The following TMTC1 variants were observed in gnomAD, a reference collection of about 807,000 sequenced individuals.
The protein encoded by TMTC1 is protein O-mannosyl-transferase TMTC1.
In TMTC1, 73 loss-of-function variants were observed where a neutral mutation model predicts 104.8. The ratio of observed to expected loss-of-function variants is 0.70; its 90% CI spans 0.58 to 0.85. The LOEUF (loss-of-function observed/expected upper bound fraction) is 0.85, where lower values mean the gene tolerates loss of function less well. TMTC1 is among the 40% of genes least tolerant of loss of function. The probability of loss-of-function intolerance (pLI) is 0.00; values close to 1 mark genes in which losing one functional copy is unlikely to be tolerated. For synonymous variants in TMTC1, 434 were observed against 428.7 expected (o/e 1.01, Z -0.15); for missense variants, 1,035 against 1,096.1 (o/e 0.94, Z 0.79).
intron 8 of TMTC1, among the ~76,000 whole-genome samples, chr12:29,576,675 T>C (rs1386837679): frequency 6.6e-6 from 1 of 152,146 alleles, no homozygotes; most frequent in Non-Finnish European, 1.5e-5. Context: ...AAATTTGCAG[T>C]TATGTAGATG....
At chr12:29,668,454 CTTTTTTTTTTTTT>C (rs66652706) in intron 5 of TMTC1, among the ~76,000 whole-genome samples, 1 of 90,090 alleles carries the variant, frequency 1.1e-5, no homozygotes, top group Non-Finnish European at 2.1e-5. Flanking sequence ...ACCAACTTAT[CTTTTTTTTTTTTT>C]TTTTTTTTTT....
chr12:29,606,116 C>T (rs955245555), intron 6 of TMTC1, among the ~76,000 whole-genome samples: 9 of 152,092 alleles, frequency 5.9e-5, no homozygotes, highest in African/African-American at 2.2e-4. Context: ...CCACTGTTGA[C>T]GAGTATCTAG....
At chr12:29,700,607 T>G (rs1941560920) in intron 5 of TMTC1, among the ~76,000 whole-genome samples, 1 of 152,194 alleles carries the variant, frequency 6.6e-6, no homozygotes, top group Non-Finnish European at 1.5e-5. Flanking sequence ...AGCTGGAATT[T>G]TGTTGTACTT....
chr12:29,766,837 T>A (rs1001031410), intron 2 of TMTC1, among the ~76,000 whole-genome samples: 1 of 152,126 alleles, frequency 6.6e-6, no homozygotes. Flanking sequence ...CCCCTAGCCA[T>A]GCACATCAAA....
At chr12:29,602,646 T>C (rs1163576485) in intron 7 of TMTC1, among the ~76,000 whole-genome samples, 1 of 151,930 alleles carries the variant, frequency 6.6e-6, no homozygotes, top group Non-Finnish European at 1.5e-5. Context: ...ATGCTTATAA[T>C]AGTAAGTGAA....
intron 5 of TMTC1, among the ~76,000 whole-genome samples, chr12:29,673,550 A>T (rs1438631875): frequency 6.6e-6 from 1 of 152,054 alleles, no homozygotes; most frequent in Non-Finnish European, 1.5e-5. Flanking sequence ...CCAAGTAGGA[A>T]AGTTGCCAAA....
chr12:29,725,000 A>G (rs189915109), intron 5 of TMTC1, among the ~76,000 whole-genome samples: 3 of 145,524 alleles, frequency 2.1e-5, no homozygotes, highest in Admixed American at 7.0e-5. Context: ...GTTTAGCTAT[A>G]TATCTGCCAA....
intron 7 of TMTC1, among the ~76,000 whole-genome samples, chr12:29,597,214 T>C (rs1405352494): frequency 6.7e-6 from 1 of 148,642 alleles, no homozygotes; most frequent in Non-Finnish European, 1.5e-5. Context: ...TTTTCTTTTC[T>C]TTTTCTTTTT....
intron 8 of TMTC1, among the ~76,000 whole-genome samples, chr12:29,573,628 T>C (rs1422163675): frequency 1.3e-5 from 2 of 152,084 alleles, no homozygotes; most frequent in Non-Finnish European, 2.9e-5. Context: ...GCAGTGAAGG[T>C]GAAGCTTAGA....
intron 5 of TMTC1, among the ~76,000 whole-genome samples, chr12:29,746,899 T>A (rs780394733): frequency 2.6e-5 from 4 of 152,210 alleles, no homozygotes; most frequent in Non-Finnish European, 4.4e-5. Flanking sequence ...TTTATAAGGA[T>A]AGGACTTTGT....
chr12:29,662,218 G>T (rs1175203980), intron 5 of TMTC1, among the ~76,000 whole-genome samples: 1 of 152,012 alleles, frequency 6.6e-6, no homozygotes, highest in Middle Eastern at 3.2e-3. Flanking sequence ...TTCCTCAAAG[G>T]GGTTTTCCCC....
chr12:29,528,194 T>C (rs1225998597), intron 11 of TMTC1, among the ~76,000 whole-genome samples: 1 of 152,238 alleles, frequency 6.6e-6, no homozygotes, highest in Non-Finnish European at 1.5e-5. Flanking sequence ...CATTTTCATT[T>C]AATTCAACTG....
intron 10 of TMTC1, among the ~76,000 whole-genome samples, chr12:29,542,164 G>C (rs1944819052): frequency 6.6e-6 from 1 of 152,132 alleles, no homozygotes; most frequent in Non-Finnish European, 1.5e-5. Flanking sequence ...GTGAAAAATA[G>C]ATAAAATCGA....
At chr12:29,728,081 T>C (rs1565797879) in intron 5 of TMTC1, among the ~76,000 whole-genome samples, 3 of 152,216 alleles carry the variant, frequency 2.0e-5, no homozygotes, top group Non-Finnish European at 4.4e-5. Context: ...TGCACAGCAA[T>C]ATTACAACTT....
intron 5 of TMTC1, among the ~76,000 whole-genome samples, chr12:29,689,615 C>T (rs1265925558): frequency 1.3e-5 from 2 of 152,200 alleles, no homozygotes; most frequent in African/African-American, 2.4e-5. Context: ...TTATAAGTTA[C>T]ATAGATGAGA....
At chr12:29,511,326 C>A (rs1268476190) in intron 17 of TMTC1, among the ~76,000 whole-genome samples, 1 of 152,098 alleles carries the variant, frequency 6.6e-6, no homozygotes, top group Non-Finnish European at 1.5e-5. Flanking sequence ...CTCCTACTAG[C>A]ACCATAAGAA....
At chr12:29,568,252 G>A (rs1275251733) in intron 9 of TMTC1, among the ~76,000 whole-genome samples, 1 of 152,098 alleles carries the variant, frequency 6.6e-6, no homozygotes, top group African/African-American at 2.4e-5. Context: ...AGTTACACCG[G>A]GAGAAAAGAG....
chr12:29,716,557 A>T (rs949051812), intron 5 of TMTC1, among the ~76,000 whole-genome samples: 1 of 152,280 alleles, frequency 6.6e-6, no homozygotes, highest in East Asian at 1.9e-4. Context: ...GCCTAAGGAT[A>T]TGGGAAATTT....
At chr12:29,550,322 T>A (rs1237833845) in intron 10 of TMTC1, among the ~76,000 whole-genome samples, 1 of 152,118 alleles carries the variant, frequency 6.6e-6, no homozygotes, top group Non-Finnish European at 1.5e-5. Flanking sequence ...GATAGGGTTA[T>A]AAATTATGAA....
Sources: gnomAD v4.1 joint callset for allele counts (sites outside exome capture counted in the v4.1 genomes callset) on GRCh38, gnomAD v4.1.1 for gene constraint, MANE v1.5 for transcripts, NCBI Gene and HGNC (gene_info 2026-07-23, HGNC 2026-07-21) for gene names.